ESD: variants seen among roughly 807,000 people sequenced by gnomAD.
ESD encodes esterase D.
ESD carries 34 observed loss-of-function variants against 38.1 expected under a neutral mutation model. The ratio of observed to expected loss-of-function variants is 0.89; its 90% CI spans 0.68 to 1.19. ESD has a LOEUF of 1.19. Among genes scored for constraint, ESD ranks in the 50% most tolerant of loss-of-function variants. The pLI is 0.00. For missense variants in ESD, 334 were observed against 327.2 expected (o/e 1.02, Z -0.16); for synonymous variants, 97 against 107.0 (o/e 0.91, Z 0.58).
chr13:46,787,581 CA>C (rs1238636669), intron 3 of ESD, among the ~76,000 whole-genome samples: 1 of 151,886 alleles, frequency 6.6e-6, no homozygotes, highest in Non-Finnish European at 1.5e-5. Context: ...CTAGAAAAGA[CA>C]ATTTTGATTA....
intron 1 of ESD, among the ~76,000 whole-genome samples, chr13:46,796,335 G>T (rs1477828913): frequency 6.6e-6 from 1 of 152,094 alleles, no homozygotes; most frequent in Admixed American, 6.5e-5. Flanking sequence ...CTGCAAAATG[G>T]GTATACAGTA....
intron 6 of ESD, 95 bp from the exon 7 acceptor site, chr13:46,781,710 A>C: frequency 8.8e-7 from 1 of 1,133,242 alleles, no homozygotes; most frequent in Non-Finnish European, 1.3e-6. Context: ...CAATACTGCC[A>C]AATCATAGTC....
intron 2 of ESD, among the ~76,000 whole-genome samples, 198 bp downstream of exon 2, chr13:46,793,199 C>T (rs1006205049): frequency 2.6e-5 from 4 of 151,886 alleles, no homozygotes; most frequent in African/African-American, 9.7e-5. Context: ...ATATGTTAGG[C>T]TTAACAAGAA....
intron 9 of ESD, chr13:46,776,409 CAGG>C (rs896008913): frequency 2.6e-5 from 4 of 152,050 alleles, no homozygotes; most frequent in Non-Finnish European, 4.4e-5. Flanking sequence ...CTTTGCTCCT[CAGG>C]AGAATATCAT....
At position 46,779,920 on chromosome 13, in the gene ESD, C is replaced by T. The variant is rs759857054; in HGVS notation, c.600+15G>A. The T allele has an allele frequency of 3.8e-6, 6 of 1,562,676 alleles. No homozygotes were observed. The Admixed American group carries it at 5.2e-5, about 14-fold the overall frequency. On this transcript the variant is annotated intron_variant, in intron 8 of 9. Transcript: ENST00000378720. ...AACTTAAGAATGAGTATTAAGACAG[C>T]CATTCAGTACCTACCTTCCATTTAC...
At chr13:46,785,466 C>CTTT (rs1293021904) in intron 4 of ESD, among the ~76,000 whole-genome samples, 1 of 152,044 alleles carries the variant, frequency 6.6e-6, no homozygotes, top group African/African-American at 2.4e-5. Flanking sequence ...ATACAAATCA[C>CTTT]TACACATGAA....
At chr13:46,779,489 C>T (rs1593405642) in intron 8 of ESD, among the ~76,000 whole-genome samples, 2 of 151,184 alleles carry the variant, frequency 1.3e-5, no homozygotes, top group East Asian at 3.9e-4. Context: ...CCCATTGTAG[C>T]ATTTTGAATT....
chr13:46,793,231 A>G (rs1875458156), intron 2 of ESD, among the ~76,000 whole-genome samples, 166 bp downstream of exon 2: 1 of 152,184 alleles, frequency 6.6e-6, no homozygotes, highest in African/African-American at 2.4e-5. Flanking sequence ...ACTAAGAACT[A>G]GATATGACAT....
At chr13:46,784,394 G>GTCC in intron 4 of ESD, 44 bp from the exon 5 acceptor site, 1 of 1,347,466 alleles carries the variant, frequency 7.4e-7, no homozygotes, top group Non-Finnish European at 1.1e-6. Context: ...TGGACATGAA[G>GTCC]ATGTGCACCA....
intron 1 of ESD, among the ~76,000 whole-genome samples, chr13:46,795,702 C>A (rs1195128097): frequency 6.6e-6 from 1 of 151,886 alleles, no homozygotes; most frequent in African/African-American, 2.4e-5. Flanking sequence ...AATAAAACTC[C>A]ATATAAACTT....
intron 5 of ESD, among the ~76,000 whole-genome samples, chr13:46,783,111 G>A (rs1053324223): frequency 2.0e-5 from 3 of 151,854 alleles, no homozygotes; most frequent in African/African-American, 7.3e-5. Flanking sequence ...CCTTACTCTG[G>A]TTTACCTGTC....
chr13:46,791,161 C>T (rs1875382246), intron 3 of ESD, among the ~76,000 whole-genome samples, 185 bp downstream of exon 3: 1 of 152,142 alleles, frequency 6.6e-6, no homozygotes, highest in Admixed American at 6.6e-5. Context: ...GGCTCTACCT[C>T]ACACAATCAC....
chr13:46,778,615 ATTC>A lies in ESD; in HGVS notation c.601-995_601-993del, dbSNP rs199692044. The stretch of plus-strand genomic sequence containing the variant: ...CTCCAATTAGTTGGTCTTTTACCCA[ATTC>A]TTCTATTAGACCATAAGCCCCTGGT... On this transcript the variant is annotated intron_variant, in intron 8 of 9. Transcript: ENST00000378720. Among the ~76,000 whole-genome samples, 1,041 of 151,848 alleles carry A rather than the reference ATTC, an allele frequency of 6.9e-3. 14 individuals carry two copies. The highest frequency in any genetic ancestry group is 0.024 in the African/African-American group (976 of 41,490).
chr13:46,793,732 A>G (rs922825006), intron 1 of ESD, among the ~76,000 whole-genome samples: 1 of 152,232 alleles, frequency 6.6e-6, no homozygotes, highest in African/African-American at 2.4e-5. Flanking sequence ...ATCTTTTTAA[A>G]TCAATAAACA....
chr13:46,771,913 A>G (rs1312405996), intron 9 of ESD, among the ~76,000 whole-genome samples: 2 of 152,164 alleles, frequency 1.3e-5, no homozygotes, highest in African/African-American at 2.4e-5. Context: ...TGACACTGTC[A>G]TATCAACCAA....
chr13:46,782,726 C>T lies in ESD; in HGVS notation c.322G>A (p.Asp108Asn), dbSNP rs1593407286. Residue 108 changes from aspartate (D) to asparagine (N), a missense_variant, in exon 6 of 10, where the codon GAT becomes AAT. Asp to Asn is a conservative substitution (Grantham distance 23). Coordinates refer to ENST00000378720, the MANE Select transcript of ESD (RefSeq NM_001984.2). ...GTTTTCCAAGGATCTTCAGTGGCAT[C>T]AACATAAAATCCAGCACCAGTGCCA... ...DFGTGAGFYVDATEDPWKTNY... is the reference protein window; with the variant it reads ...DFGTGAGFYVNATEDPWKTNY... 1 of 1,612,354 alleles carries T rather than the reference C, an allele frequency of 6.2e-7. No homozygotes were observed. Among genetic ancestry groups the T allele is most frequent in the African/African-American group, 1.3e-5 (1 of 74,886 alleles).
At chr13:46,794,161 AAACAACAAC>A (rs201107262) in intron 1 of ESD, among the ~76,000 whole-genome samples, 7 of 151,336 alleles carry the variant, frequency 4.6e-5, no homozygotes, top group Admixed American at 1.3e-4. Flanking sequence ...CCCCTCCAAA[AAACAACAAC>A]AACAACAACA....
At chr13:46,772,152 C>T (rs914147965) in intron 9 of ESD, among the ~76,000 whole-genome samples, 1 of 152,122 alleles carries the variant, frequency 6.6e-6, no homozygotes, top group African/African-American at 2.4e-5. Flanking sequence ...CATGTTGTAT[C>T]TTTATGTGAG....
chr13:46,796,995 C>T (rs1164010699), intron 1 of ESD, 110 bp downstream of exon 1: 1 of 152,472 alleles, frequency 6.6e-6, no homozygotes, highest in African/African-American at 2.4e-5. Flanking sequence ...GCGCTCGTGC[C>T]TGCGGATACC....
Sources: gnomAD v4.1 joint callset for allele counts (sites outside exome capture counted in the v4.1 genomes callset) on GRCh38, gnomAD v4.1.1 for gene constraint, MANE v1.5 for transcripts, NCBI Gene and HGNC (gene_info 2026-07-23, HGNC 2026-07-21) for gene names.